Variants in CALN1 observed in about 807,000 individuals in gnomAD.
The protein encoded by CALN1 is calcium-binding protein 8.
In CALN1, 17 loss-of-function variants were observed where a neutral mutation model predicts 30.6. The ratio of observed to expected loss-of-function variants is 0.56; its 90% confidence interval spans 0.38 to 0.83. The LOEUF (loss-of-function observed/expected upper bound fraction) is 0.83. Among genes scored for constraint, CALN1 ranks in the 40% least tolerant of loss-of-function variants. The probability of loss-of-function intolerance (pLI) is 0.00; values close to 1 mark genes in which losing one functional copy is unlikely to be tolerated. For missense variants in CALN1, 291 were observed against 354.9 expected, an observed-to-expected ratio of 0.82 and a Z score of 1.45; for synonymous variants, 156 against 131.4, an observed-to-expected ratio of 1.19 and a Z score of -1.28.
At chr7:71,791,914 G>C (rs539814058) in intron 6 of CALN1, among the ~76,000 whole-genome samples, 1 of 152,264 alleles carries the variant, frequency 6.6e-6, no homozygotes, top group South Asian at 2.1e-4. Flanking sequence ...GGGAGGCTGA[G>C]GCAGGAGAAT....
chr7:71,925,284 C>CAAGAAAGAA (rs1795205529), intron 5 of CALN1, among the ~76,000 whole-genome samples: 1 of 151,118 alleles, frequency 6.6e-6, no homozygotes, highest in Non-Finnish European at 1.5e-5. Flanking sequence ...AGCAAGCAAG[C>CAAGAAAGAA]AAGAAAAGAA....
chr7:71,836,311 A>G (rs1453373570), intron 5 of CALN1, among the ~76,000 whole-genome samples: 1 of 152,176 alleles, frequency 6.6e-6, no homozygotes, highest in Non-Finnish European at 1.5e-5. Context: ...GGCAAGAGTA[A>G]CGACACGATG....
chr7:72,031,245 C>T (rs1447697072), intron 4 of CALN1, among the ~76,000 whole-genome samples: 1 of 152,160 alleles, frequency 6.6e-6, no homozygotes, highest in Non-Finnish European at 1.5e-5. Context: ...CGACCAGGTA[C>T]ACAGAGTCAA....
At chr7:72,132,581 T>C (rs1254123395) in intron 3 of CALN1, among the ~76,000 whole-genome samples, 1 of 152,216 alleles carries the variant, frequency 6.6e-6, no homozygotes, top group Middle Eastern at 3.2e-3. Flanking sequence ...AATATATGTT[T>C]GCATCTTGCA....
chr7:72,394,813 AC>A (rs1468469613), intron 2 of CALN1, among the ~76,000 whole-genome samples: 4 of 151,516 alleles, frequency 2.6e-5, no homozygotes, highest in Non-Finnish European at 5.9e-5. Flanking sequence ...AAGGGTACCA[AC>A]ATGCCCGTTT....
intron 3 of CALN1, among the ~76,000 whole-genome samples, chr7:72,250,863 A>T (rs36024687): frequency 0.36 from 54,212 of 151,890 alleles, 10,645 homozygotes; most frequent in Middle Eastern, 0.55. Flanking sequence ...TCTTTTCTTC[A>T]TAAATTACCC....
At chr7:71,788,791 G>A (rs2115847574) in intron 6 of CALN1, among the ~76,000 whole-genome samples, 1 of 152,094 alleles carries the variant, frequency 6.6e-6, no homozygotes, top group South Asian at 2.1e-4. Flanking sequence ...CTGAGTAGCT[G>A]GGACTATAGG....
chr7:72,380,903 C>T (rs372725531), intron 2 of CALN1, among the ~76,000 whole-genome samples: 3 of 152,142 alleles, frequency 2.0e-5, no homozygotes, highest in East Asian at 3.9e-4. Context: ...TAAAAGGATG[C>T]AGGAAGACAT....
At chr7:72,401,506 G>A (rs1806342394) in intron 2 of CALN1, among the ~76,000 whole-genome samples, 2 of 152,170 alleles carry the variant, frequency 1.3e-5, no homozygotes, top group African/African-American at 4.8e-5. Context: ...ACAAATGTGT[G>A]ACTGCAACAA....
chr7:72,057,740 A>T (rs1358303441), intron 4 of CALN1, among the ~76,000 whole-genome samples: 1 of 152,034 alleles, frequency 6.6e-6, no homozygotes, highest in African/African-American at 2.4e-5. Flanking sequence ...ACCTCTTCAT[A>T]ATAAAATTAG....
intron 4 of CALN1, among the ~76,000 whole-genome samples, chr7:72,092,086 A>G (rs1441804917): frequency 6.6e-6 from 1 of 152,176 alleles, no homozygotes; most frequent in Non-Finnish European, 1.5e-5. Flanking sequence ...TACTTTTCAT[A>G]TCTAGTTTAT....
intron 5 of CALN1, among the ~76,000 whole-genome samples, chr7:71,853,653 C>T (rs973909568): frequency 9.2e-5 from 14 of 152,096 alleles, no homozygotes; most frequent in African/African-American, 2.9e-4. Flanking sequence ...GATCTCAGCT[C>T]ACTGCAACCT....
intron 3 of CALN1, among the ~76,000 whole-genome samples, chr7:72,226,009 T>TGG: frequency 6.7e-6 from 1 of 148,586 alleles, no homozygotes; most frequent in East Asian, 2.0e-4. Flanking sequence ...GGCAGGAGAA[T>TGG]CACTTGAACC....
At chr7:72,313,364 C>A (rs1376067128) in intron 2 of CALN1, among the ~76,000 whole-genome samples, 1 of 152,014 alleles carries the variant, frequency 6.6e-6, no homozygotes, top group East Asian at 1.9e-4. Flanking sequence ...TATATCCTAC[C>A]ATAGCCAAAT....
intron 4 of CALN1, among the ~76,000 whole-genome samples, chr7:72,052,875 A>G (rs1802925315): frequency 6.6e-6 from 1 of 152,146 alleles, no homozygotes; most frequent in Non-Finnish European, 1.5e-5. Flanking sequence ...CACGCCTGTA[A>G]TGCCAGCACT....
intron 2 of CALN1, among the ~76,000 whole-genome samples, chr7:72,393,419 G>A (rs1335871372): frequency 1.6e-4 from 25 of 152,250 alleles, no homozygotes; most frequent in African/African-American, 3.4e-4. Context: ...AGCCGAGATC[G>A]CGCCACTGCA....
chr7:72,207,964 C>T (rs1792014807), intron 3 of CALN1, among the ~76,000 whole-genome samples: 1 of 152,090 alleles, frequency 6.6e-6, no homozygotes, highest in East Asian at 1.9e-4. Flanking sequence ...TGTGAAACTC[C>T]AGTATAACAG....
chr7:72,475,757 C>T, the CALN1 span, among the ~76,000 whole-genome samples: 35,722 of 151,942 alleles, frequency 0.24, 4,769 homozygotes, highest in Non-Finnish European at 0.3. Flanking sequence ...TTGCCCAAAT[C>T]TCATCTTAAT....
intron 5 of CALN1, among the ~76,000 whole-genome samples, chr7:71,871,583 T>C (rs1791930606): frequency 6.6e-6 from 1 of 152,084 alleles, no homozygotes; most frequent in African/African-American, 2.4e-5. Flanking sequence ...ACCCCATCTC[T>C]ACAAAAAATA....
Sources: gnomAD v4.1 joint callset for allele counts (sites outside exome capture counted in the v4.1 genomes callset) on GRCh38, gnomAD v4.1.1 for gene constraint, MANE v1.5 for transcripts, NCBI Gene and HGNC (gene_info 2026-07-23, HGNC 2026-07-21) for gene names.